TCEANC2: variants seen among roughly 807,000 people sequenced by gnomAD.
TCEANC2 encodes the protein transcription elongation factor A N-terminal and central domain containing 2.
A neutral mutation model predicts 22.8 loss-of-function variants in TCEANC2; 20 were observed. The observed-to-expected ratio is 0.88, with a 90% CI of 0.62 to 1.28. TCEANC2 has a LOEUF of 1.28. Among genes scored for constraint, TCEANC2 ranks in the 50% most tolerant of loss-of-function variants. The pLI is 0.00. For synonymous variants in TCEANC2, 84 were observed against 95.5 expected (o/e 0.88, Z 0.70); for missense variants, 251 against 249.7 (o/e 1.01, Z -0.03).
At chr1:54,093,733 CT>C (rs34379281) in intron 4 of TCEANC2, among the ~76,000 whole-genome samples, 48,218 of 140,666 alleles carry the variant, frequency 0.34, 8,447 homozygotes, top group Admixed American at 0.48. Context: ...TCTCAGAGTA[CT>C]TTTTTTTTTT....
intron 2 of TCEANC2, among the ~76,000 whole-genome samples, chr1:54,057,902 T>C (rs1320610689): frequency 6.6e-6 from 1 of 152,176 alleles, no homozygotes; most frequent in African/African-American, 2.4e-5. Flanking sequence ...CCTTTGCATA[T>C]ACTGTCCTGT....
At chr1:54,077,372 A>C (rs1384403458) in intron 3 of TCEANC2, among the ~76,000 whole-genome samples, 1 of 152,162 alleles carries the variant, frequency 6.6e-6, no homozygotes, top group Non-Finnish European at 1.5e-5. Context: ...GGCCTGCCCA[A>C]TCCTTTGGGA....
At chr1:54,110,804 TC>T (rs1182834228), downstream of TCEANC2, among the ~76,000 whole-genome samples, 8 of 151,948 alleles carry the variant, frequency 5.3e-5, no homozygotes, top group African/African-American at 1.9e-4. Flanking sequence ...CTATACCCCT[TC>T]CTTGGGGCAG....
At chr1:54,079,779 TG>T (rs1351166018) in intron 3 of TCEANC2, among the ~76,000 whole-genome samples, 1 of 152,226 alleles carries the variant, frequency 6.6e-6, no homozygotes, top group African/African-American at 2.4e-5. Context: ...TCACAGATTC[TG>T]AGGATTAGGG....
rs1277811204 is a variant in TCEANC2 at position 54,104,509 on chromosome 1, A to G, written c.*8036A>G. 6.9e-6 allele frequency: 3 copies of G among 434,272 alleles called. No individual in the cohort carries two copies. Among genetic ancestry groups the G allele is most frequent in the African/African-American group, 4.1e-5 (2 of 49,072 alleles). The allele number at this position is 434,272 out of a possible 1,614,324, so 26.9% of individuals were successfully genotyped here. On this transcript the variant is annotated 3_prime_UTR_variant, in exon 5 of 5. Coordinates refer to ENST00000234827, the MANE Select transcript of TCEANC2 (RefSeq NM_153035.3). ...TATATCTTTGGTACTCAGTTGATTC[A>G]CGTGGAGACTTCTTGGTATTCCTTT...
chr1:54,064,919 C>T (rs1657920543), intron 2 of TCEANC2, among the ~76,000 whole-genome samples: 1 of 152,064 alleles, frequency 6.6e-6, no homozygotes, highest in Non-Finnish European at 1.5e-5. Flanking sequence ...AGGCTGGTCT[C>T]GAACTCCTGA....
At position 54,096,967 on chromosome 1, in the gene TCEANC2, G is replaced by A. The variant is rs1318835776; in HGVS notation, c.*494G>A. The stretch of plus-strand genomic sequence containing the variant: ...TGCTCTATCCCAGGGGTGAGCCTGC[G>A]AGAGCCAGCCAACTACCCCTTCTTC... On this transcript the variant is annotated 3_prime_UTR_variant, in exon 5 of 5. Transcript: ENST00000234827. This position sits in a 1 kb window ranked among gnomAD's most constrained non-coding sequence, Gnocchi z 4.9. The A allele has an allele frequency of 7.1e-6, 7 of 986,050 alleles. No individual in the cohort carries two copies. The highest frequency in any genetic ancestry group is 4.7e-5 in the South Asian group (1 of 21,286). 61.1% of individuals were successfully genotyped at this position (986,050 alleles called of 1,614,324 possible). A position where few individuals can be genotyped will look rare whatever the true frequency, so the allele number is the denominator to read the frequency against.
rs1658598302 is a variant in TCEANC2 at position 54,098,455 on chromosome 1, T to C, written c.*1982T>C. 1 of 152,294 alleles carries C rather than the reference T, an allele frequency of 6.6e-6. No individual in the cohort carries two copies. The highest frequency in any genetic ancestry group is 6.5e-5 in the Admixed American group (1 of 15,288). The allele number at this position is 152,294 out of a possible 1,614,324, so 9.4% of individuals were successfully genotyped here. A position where few individuals can be genotyped will look rare whatever the true frequency, so the allele number is the denominator to read the frequency against. On this transcript the variant is annotated 3_prime_UTR_variant, in exon 5 of 5. Transcript: ENST00000234827. ...TCTCTTTCCCTTATCAAAAAGGCTT[T>C]TGCTGACTATCCTAAATACAATAGC...
rs1361092040 is a variant in TCEANC2 at position 54,104,209 on chromosome 1, C to G, written c.*7736C>G. The G allele has an allele frequency of 6.3e-6, 1 of 158,472 alleles. No homozygotes were observed. The highest frequency in any genetic ancestry group is 1.4e-5 in the Non-Finnish European group (1 of 71,694). The allele number at this position is 158,472 out of a possible 1,614,324, so 9.8% of individuals were successfully genotyped here. Reference sequence around the variant, plus strand: ...AAATGAAAGCAGGAGTGCTCTCACTCTTACCATCACTTCTAGTGACCCACT... The same window carrying G: ...AAATGAAAGCAGGAGTGCTCTCACTGTTACCATCACTTCTAGTGACCCACT... On this transcript the variant is annotated 3_prime_UTR_variant, in exon 5 of 5. Transcript: ENST00000234827.
rs539092203 is a variant in TCEANC2 at position 54,064,853 on chromosome 1, C to T, written c.103-3903C>T. ...TAGCTGGGATGACAGACATGTGCCA[C>T]CATGCCCAGGTAATTTTTGTATTTT... On this transcript the variant is annotated intron_variant, in intron 2 of 4. Coordinates refer to ENST00000234827, the MANE Select transcript of TCEANC2 (RefSeq NM_153035.3). Among the ~76,000 whole-genome samples the T allele has an allele frequency of 1.6e-4, 24 of 152,064 alleles. No homozygotes were observed. The East Asian group carries it at 4.6e-3, about 29-fold the overall frequency.
intron 3 of TCEANC2, among the ~76,000 whole-genome samples, chr1:54,084,017 C>T (rs924469262): frequency 1.5e-5 from 2 of 133,950 alleles, no homozygotes; most frequent in Admixed American, 8.3e-5. Context: ...AGTGTTTTGT[C>T]GGGTTTTTTT....
At position 54,104,512 on chromosome 1, in the gene TCEANC2, T is replaced by G. The variant is rs181047116; in HGVS notation, c.*8039T>G. 1.4e-4 allele frequency: 61 copies of G among 438,804 alleles called. No individual in the cohort carries two copies. In the East Asian group the frequency reaches 2.2e-3, roughly 16 times the overall value. 27.2% of individuals were successfully genotyped at this position (438,804 alleles called of 1,614,324 possible). Reference sequence around the variant, plus strand: ...ATCTTTGGTACTCAGTTGATTCACGTGGAGACTTCTTGGTATTCCTTTGCC... The same window carrying G: ...ATCTTTGGTACTCAGTTGATTCACGGGGAGACTTCTTGGTATTCCTTTGCC... On this transcript the variant is annotated 3_prime_UTR_variant, in exon 5 of 5. Coordinates refer to ENST00000234827, the MANE Select transcript of TCEANC2 (RefSeq NM_153035.3).
In TCEANC2 at chr1:54,096,244, G is replaced by T. The variant is rs569577754; in HGVS notation, c.439-41G>T. 3 of 1,556,402 alleles carry T rather than the reference G, an allele frequency of 1.9e-6. No individual in the cohort carries two copies. Among genetic ancestry groups the T allele is most frequent in the Non-Finnish European group, 2.6e-6 (3 of 1,141,278 alleles). ...AGCCTCTCTTGCTTTTAATCCTTAC[G>T]CAATGTAAGGCTCTAATTTGATAAT... On this transcript the variant is annotated intron_variant, in intron 4 of 4. Coordinates refer to ENST00000234827, the MANE Select transcript of TCEANC2 (RefSeq NM_153035.3). The surrounding 1 kb of genome is among the most constrained non-coding windows in gnomAD (Gnocchi z 4.9).
downstream of TCEANC2, among the ~76,000 whole-genome samples, chr1:54,109,769 G>T (rs1348569416): frequency 1.3e-5 from 2 of 152,330 alleles, no homozygotes; most frequent in East Asian, 3.9e-4. Flanking sequence ...TCTGAAGTTG[G>T]TGCTGGGTCA....
chr1:54,061,344 GAAAT>G (rs1657851606), intron 2 of TCEANC2, among the ~76,000 whole-genome samples: 1 of 152,276 alleles, frequency 6.6e-6, no homozygotes, highest in East Asian at 1.9e-4. Context: ...TTATGAGAGT[GAAAT>G]AAATAAATTC....
At chr1:54,106,915 C>CA (rs1287830854), downstream of TCEANC2, among the ~76,000 whole-genome samples, 1 of 152,028 alleles carries the variant, frequency 6.6e-6, no homozygotes, top group African/African-American at 2.4e-5. Flanking sequence ...CAAAAAGTGG[C>CA]AAAAATACAG....
Position 54,104,819 on chromosome 1 carries a change from G to A in TCEANC2, c.*8346G>A, listed in dbSNP as rs1167700965. The stretch of plus-strand genomic sequence containing the variant: ...AGCTTCCCAAAGTGCTGGGATTACA[G>A]GCGTGAGCCACTGCGCCTGGCCCCT... On this transcript the variant is annotated 3_prime_UTR_variant, in exon 5 of 5. Transcript: ENST00000234827. 1 of 377,428 alleles carries A rather than the reference G, an allele frequency of 2.6e-6. No individual in the cohort carries two copies. Among genetic ancestry groups the A allele is most frequent in the Non-Finnish European group, 5.3e-6 (1 of 187,692 alleles). 23.4% of individuals were successfully genotyped at this position (377,428 alleles called of 1,614,324 possible). A position where few individuals can be genotyped will look rare whatever the true frequency, so the allele number is the denominator to read the frequency against.
chr1:54,071,213 C>G (rs1658050615), intron 3 of TCEANC2, among the ~76,000 whole-genome samples: 1 of 152,220 alleles, frequency 6.6e-6, no homozygotes, highest in South Asian at 2.1e-4. Flanking sequence ...TTATCTATCA[C>G]TGTGTAAAAA....
intron 4 of TCEANC2, among the ~76,000 whole-genome samples, chr1:54,089,526 A>G (rs1390779909): frequency 2.6e-5 from 4 of 152,204 alleles, no homozygotes; most frequent in South Asian, 4.1e-4. Context: ...CAAACAACAA[A>G]TCTTATAAGC....
Sources: allele counts gnomAD v4.1 joint callset (sites outside exome capture counted in the v4.1 genomes callset), GRCh38; gene constraint gnomAD v4.1.1; non-coding constraint Gnocchi (gnomAD v3.1); transcripts MANE v1.5; gene names NCBI Gene and HGNC (gene_info 2026-07-23, HGNC 2026-07-21).